JMJD1C: variants seen among roughly 807,000 people sequenced by gnomAD.
The protein encoded by JMJD1C is jumonji domain containing 1C, also known as jumonji domain-containing protein 1C.
JMJD1C carries 31 observed loss-of-function variants against 245.3 expected under a neutral mutation model. The observed-to-expected ratio is 0.13, with a 90% CI of 0.09 to 0.17. The LOEUF is 0.17. JMJD1C is among the 10% of genes least tolerant of loss of function. The pLI is 1.00. For synonymous variants in JMJD1C, 1,057 were observed against 1,017.4 expected (o/e 1.04, Z -0.74); for missense variants, 2,691 against 3,000.2 (o/e 0.90, Z 2.41).
chr10:63,517,275 T>C (rs1404814976), intron 1 of JMJD1C, among the ~76,000 whole-genome samples: 1 of 152,206 alleles, frequency 6.6e-6, no homozygotes, highest in African/African-American at 2.4e-5. Flanking sequence ...TGCTAATAAA[T>C]GAACTCTTTT....
At chr10:63,312,951 C>CT (rs34990207) in intron 2 of JMJD1C, among the ~76,000 whole-genome samples, 86 of 151,750 alleles carry the variant, frequency 5.7e-4, no homozygotes, top group African/African-American at 1.9e-3. Context: ...TTTCTTAAAA[C>CT]TTTTTTTTTC....
intron 1 of JMJD1C, among the ~76,000 whole-genome samples, chr10:63,442,929 A>G (rs1175927314): frequency 6.6e-6 from 1 of 152,196 alleles, no homozygotes; most frequent in Non-Finnish European, 1.5e-5. Context: ...TAGGTGCCCT[A>G]CAATTCAATT....
intron 1 of JMJD1C, among the ~76,000 whole-genome samples, chr10:63,391,959 A>G (rs577669102): frequency 6.6e-6 from 1 of 152,188 alleles, no homozygotes; most frequent in African/African-American, 2.4e-5. Flanking sequence ...ATCATGTACT[A>G]ACCAGGCTTT....
intron 2 of JMJD1C, chr10:63,359,049 C>T (rs993447704): frequency 6.5e-6 from 1 of 153,354 alleles, no homozygotes; most frequent in Admixed American, 6.5e-5. Flanking sequence ...CTTTGAGCAG[C>T]CATACTAATG....
intron 3 of JMJD1C, among the ~76,000 whole-genome samples, chr10:63,260,544 T>C (rs1360091095): frequency 4.6e-5 from 7 of 151,908 alleles, no homozygotes; most frequent in Admixed American, 1.3e-4. Flanking sequence ...ATAATCATAC[T>C]CCAAAGTAAA....
intron 2 of JMJD1C, among the ~76,000 whole-genome samples, chr10:63,265,305 C>T (rs1364896609): frequency 1.3e-5 from 2 of 150,266 alleles, no homozygotes; most frequent in Admixed American, 1.3e-4. Flanking sequence ...AATCCCGCAG[C>T]TTCGGTGAGA....
intron 2 of JMJD1C, among the ~76,000 whole-genome samples, chr10:63,378,505 C>T (rs1427930100): frequency 1.3e-5 from 2 of 151,912 alleles, no homozygotes; most frequent in African/African-American, 2.4e-5. Context: ...GGCAGGAGAA[C>T]TGCGTGAACC....
intron 1 of JMJD1C, among the ~76,000 whole-genome samples, chr10:63,460,220 A>G (rs1008270954): frequency 1.3e-5 from 2 of 152,212 alleles, no homozygotes; most frequent in Admixed American, 6.5e-5. Context: ...TTTACAATTA[A>G]GAGTAAATAG....
intron 2 of JMJD1C, among the ~76,000 whole-genome samples, chr10:63,268,371 C>A (rs1855884245): frequency 6.6e-6 from 1 of 151,710 alleles, no homozygotes; most frequent in African/African-American, 2.4e-5. Context: ...AAAAACCTTA[C>A]AAAACAAATA....
intron 1 of JMJD1C, among the ~76,000 whole-genome samples, chr10:63,482,667 C>A (rs1953866648): frequency 6.6e-6 from 1 of 151,260 alleles, no homozygotes; most frequent in Admixed American, 6.7e-5. Flanking sequence ...GAGAGAGAGA[C>A]CCCAAACTTG....
At chr10:63,194,668 A>T in intron 13 of JMJD1C, 1 of 265,666 alleles carries the variant, frequency 3.8e-6, no homozygotes, top group Non-Finnish European at 7.3e-6. Flanking sequence ...ATTATTAGTG[A>T]CCTCTATCTT....
chr10:63,193,974 G>A (rs1313337937), intron 14 of JMJD1C, among the ~76,000 whole-genome samples: 1 of 152,158 alleles, frequency 6.6e-6, no homozygotes, highest in Non-Finnish European at 1.5e-5. Flanking sequence ...CCAAATTTAT[G>A]TTCTCTATTC....
intron 2 of JMJD1C, among the ~76,000 whole-genome samples, chr10:63,267,339 T>G (rs1855709794): frequency 6.6e-6 from 1 of 152,094 alleles, no homozygotes; most frequent in Admixed American, 6.5e-5. Context: ...AAAACAACCA[T>G]GTTAAGTATT....
intron 3 of JMJD1C, among the ~76,000 whole-genome samples, chr10:63,250,649 A>C (rs1324179587): frequency 6.6e-6 from 1 of 152,240 alleles, no homozygotes; most frequent in African/African-American, 2.4e-5. Flanking sequence ...ATGTGATGGA[A>C]CTTAATGACC....
At position 63,291,310 on chromosome 10, in the gene JMJD1C, GAAAAAAAAAAAA is replaced by G. The variant is rs59082600; in HGVS notation, c.334-26558_334-26547del. ...GAAAAAAGAGTGAAAGTCTGTCTCAGAAAAAAAAAAAAAAAAAAAAAAAGGGCTGGGCGAGGT... is the reference window on the plus strand; with the variant it reads ...GAAAAAAGAGTGAAAGTCTGTCTCAGAAAAAAAAAAAGGGCTGGGCGAGGT... On this transcript the variant is annotated intron_variant, in intron 2 of 25. Coordinates refer to ENST00000399262, the MANE Select transcript of JMJD1C (RefSeq NM_032776.3). 1.0e-4 allele frequency among the ~76,000 whole-genome samples: 7 copies of G among 69,132 alleles called. No individual in the cohort carries two copies. In the South Asian group the frequency reaches 1.7e-3, roughly 17 times the overall value. The allele number at this position is 69,132 out of a possible 152,430, so 45.4% of individuals were successfully genotyped here. A position where few individuals can be genotyped will look rare whatever the true frequency, so the allele number is the denominator to read the frequency against.
intron 18 of JMJD1C, 111 bp downstream of exon 18, chr10:63,189,057 G>T: frequency 4.7e-6 from 4 of 845,224 alleles, no homozygotes; most frequent in East Asian, 2.6e-5. Context: ...TCCCCCAAAT[G>T]TGTTAACCAC....
intron 2 of JMJD1C, among the ~76,000 whole-genome samples, chr10:63,341,555 T>C (rs1037539470): frequency 2.0e-5 from 3 of 152,224 alleles, no homozygotes; most frequent in African/African-American, 4.8e-5. Context: ...CATATTAAGC[T>C]AATGAAAAGG....
At chr10:63,328,383 TTGA>T (rs1014713461) in intron 2 of JMJD1C, among the ~76,000 whole-genome samples, 10 of 152,230 alleles carry the variant, frequency 6.6e-5, no homozygotes, top group African/African-American at 2.4e-4. Flanking sequence ...TGGCAATATG[TTGA>T]TAACCTTTGA....
rs765300769 is a variant in JMJD1C, at chr10:63,465,679, G to A, written c.-17C>T. On this transcript the variant is annotated 5_prime_UTR_variant, in exon 1 of 26. Coordinates refer to ENST00000399262, the MANE Select transcript of JMJD1C (RefSeq NM_032776.3). The stretch of plus-strand genomic sequence containing the variant: ...TACCGCCATAGCTGTCGCTGCCGAA[G>A]CGGCCGCTGCCTCCTCCAGTGCGAG... 14 of 1,606,198 alleles carry A rather than the reference G, an allele frequency of 8.7e-6. No homozygotes were observed. In the Admixed American group the frequency reaches 1.5e-4, roughly 17 times the overall value.
Sources: allele counts gnomAD v4.1 joint callset (sites outside exome capture counted in the v4.1 genomes callset), GRCh38; gene constraint gnomAD v4.1.1; transcripts MANE v1.5; gene names NCBI Gene and HGNC (gene_info 2026-07-23, HGNC 2026-07-21).